PRKN: variants seen among roughly 807,000 people sequenced by gnomAD.
PRKN encodes parkin RBR E3 ubiquitin protein ligase.
A neutral mutation model predicts 59.5 loss-of-function variants in PRKN; 56 were observed. The observed-to-expected ratio is 0.94, with a 90% CI of 0.76 to 1.18. The LOEUF (loss-of-function observed/expected upper bound fraction) is 1.18, where lower values mean the gene tolerates loss of function less well. Among genes scored for constraint, PRKN ranks in the 50% most tolerant of loss-of-function variants. PRKN has a pLI of 0.00. For synonymous variants in PRKN, 250 were observed against 222.1 expected, an observed-to-expected ratio of 1.13 and a Z score of -1.12; for missense variants, 657 against 596.4, an observed-to-expected ratio of 1.10 and a Z score of -1.06.
At chr6:162,173,435 A>G (rs532294647) in intron 4 of PRKN, among the ~76,000 whole-genome samples, 1 of 152,266 alleles carries the variant, frequency 6.6e-6, no homozygotes, top group South Asian at 2.1e-4. Flanking sequence ...CAACTCCATA[A>G]AAACTGACGA....
chr6:162,312,967 T>G (rs1303869913), intron 2 of PRKN, among the ~76,000 whole-genome samples: 1 of 152,208 alleles, frequency 6.6e-6, no homozygotes, highest in African/African-American at 2.4e-5. Context: ...AAGGATTTTC[T>G]TTAATCTAGA....
intron 1 of PRKN, among the ~76,000 whole-genome samples, chr6:162,657,935 GGAA>G (rs1221579432): frequency 2.6e-5 from 4 of 152,040 alleles, no homozygotes; most frequent in African/African-American, 7.2e-5. Flanking sequence ...GAGGATTATA[GGAA>G]GAAGATGACA....
chr6:161,679,083 G>A (rs1785201722), intron 7 of PRKN, among the ~76,000 whole-genome samples: 1 of 152,146 alleles, frequency 6.6e-6, no homozygotes, highest in African/African-American at 2.4e-5. Flanking sequence ...CACAGCTCCA[G>A]ATGAGAGTGT....
chr6:161,916,153 C>G (rs142116119), intron 6 of PRKN, among the ~76,000 whole-genome samples: 252 of 152,226 alleles, frequency 1.7e-3, no homozygotes, highest in African/African-American at 5.8e-3. Flanking sequence ...TTATAAAGGA[C>G]AAGAAATTGT....
intron 7 of PRKN, among the ~76,000 whole-genome samples, chr6:161,654,469 G>A (rs1277571983): frequency 1.3e-5 from 2 of 152,178 alleles, no homozygotes; most frequent in Non-Finnish European, 2.9e-5. Flanking sequence ...CTGCAATGCC[G>A]AGAGGGAGGA....
In PRKN at chr6:162,615,150, T is replaced by G. The variant is rs193166134; in HGVS notation, c.7+112512A>C. ...CAATTTATTTTGTCTCCAAGTTTATTGTGCTTTGTCAGCCCATATCAAAAA... is the reference window on the plus strand; with the variant it reads ...CAATTTATTTTGTCTCCAAGTTTATGGTGCTTTGTCAGCCCATATCAAAAA... On this transcript the variant is annotated intron_variant, in intron 1 of 11. Transcript: ENST00000366898. Among the ~76,000 whole-genome samples, 102 of 152,320 alleles carry G rather than the reference T, an allele frequency of 6.7e-4. No individual in the cohort carries two copies. In the East Asian group the frequency reaches 9.8e-3, roughly 15 times the overall value.
chr6:161,788,946 A>G (rs1031151759), intron 6 of PRKN, among the ~76,000 whole-genome samples: 2 of 152,216 alleles, frequency 1.3e-5, no homozygotes, highest in Non-Finnish European at 2.9e-5. Context: ...ATGTGCTAAG[A>G]TACACAGATG....
intron 4 of PRKN, among the ~76,000 whole-genome samples, chr6:162,190,952 C>T (rs1034206049): frequency 2.0e-5 from 3 of 152,140 alleles, no homozygotes; most frequent in Non-Finnish European, 2.9e-5. Context: ...ATGTCAGTTT[C>T]ACTCTGCAGA....
chr6:161,374,888 T>C (rs1785627169), intron 10 of PRKN, among the ~76,000 whole-genome samples: 1 of 152,148 alleles, frequency 6.6e-6, no homozygotes, highest in African/African-American at 2.4e-5. Context: ...AGAATTTACA[T>C]TCAGACCTTT....
intron 2 of PRKN, among the ~76,000 whole-genome samples, chr6:162,322,558 T>A (rs1423267764): frequency 1.2e-4 from 18 of 151,896 alleles, no homozygotes; most frequent in Admixed American, 1.2e-3. Flanking sequence ...GCTACAGAAA[T>A]CAAGACAATG....
intron 7 of PRKN, among the ~76,000 whole-genome samples, chr6:161,779,797 G>A (rs1198358437): frequency 1.3e-5 from 2 of 151,932 alleles, no homozygotes; most frequent in Non-Finnish European, 2.9e-5. Context: ...TATGTGTCTT[G>A]TTCTATGCTC....
rs41427144 is a variant in PRKN at position 161,660,398 on chromosome 6, G to A, written c.872-90982C>T. 8.1e-3 allele frequency among the ~76,000 whole-genome samples: 1,227 copies of A among 152,190 alleles called. 27 individuals are homozygous for A. Among genetic ancestry groups the A allele is most frequent in the African/African-American group, 0.028 (1,169 of 41,516 alleles). ...GGCCAGGGATGAATACGGTAGTTAC[G>A]AAACTTGAAAGGACAGGCACAATTC... On this transcript the variant is annotated intron_variant, in intron 7 of 11. Transcript: ENST00000366898.
At chr6:162,578,795 C>A (rs1246231343) in intron 1 of PRKN, among the ~76,000 whole-genome samples, 1 of 152,092 alleles carries the variant, frequency 6.6e-6, no homozygotes, top group East Asian at 1.9e-4. Context: ...CATCAAAATG[C>A]AAAATTTCTA....
rs1781803986 is a variant in PRKN, at chr6:161,593,586, G to A, written c.872-24170C>T. Among the ~76,000 whole-genome samples, 2 of 152,148 alleles carry A rather than the reference G, an allele frequency of 1.3e-5. No individual in the cohort carries two copies. The highest frequency in any genetic ancestry group is 1.3e-4 in the Admixed American group (2 of 15,278). ...TGAGGCCAGCAGGTCTTGCTGGTGG[G>A]CTGCCCTGTGGAGCAGACAAAGGAA... On this transcript the variant is annotated intron_variant, in intron 7 of 11. Coordinates refer to ENST00000366898, the MANE Select transcript of PRKN (RefSeq NM_004562.3). This position sits in a 1 kb window ranked among gnomAD's most constrained non-coding sequence, Gnocchi z 4.8.
intron 2 of PRKN, among the ~76,000 whole-genome samples, chr6:162,402,737 C>G (rs567877662): frequency 6.6e-6 from 1 of 151,766 alleles, no homozygotes; most frequent in South Asian, 2.1e-4. Context: ...CTCACCGAAG[C>G]CTGAAGCCTC....
chr6:162,235,987 A>AAGAAAG lies in PRKN; in HGVS notation c.412+26532_412+26537dup, dbSNP rs1562602579. On this transcript the variant is annotated intron_variant, in intron 3 of 11. Transcript: ENST00000366898. ...AAAGAAAGAAAGAAAGAAAGAAAGAAAGAAAGAAAGAAAGAAAGAAAGAAA... is the reference window on the plus strand; with the variant it reads ...AAAGAAAGAAAGAAAGAAAGAAAGAAAGAAAGAGAAAGAAAGAAAGAAAGAAAGAAA... Among the ~76,000 whole-genome samples, 583 of 131,220 alleles carry AAGAAAG rather than the reference A, an allele frequency of 4.4e-3. 18 individuals carry two copies. The highest frequency in any genetic ancestry group is 0.017 in the African/African-American group (568 of 33,450). 86.1% of individuals were successfully genotyped at this position (131,220 alleles called of 152,430 possible).
chr6:161,799,002 G>T (rs1028480635), intron 6 of PRKN, among the ~76,000 whole-genome samples: 4 of 152,200 alleles, frequency 2.6e-5, no homozygotes, highest in African/African-American at 9.6e-5. Flanking sequence ...CAGACTAGAG[G>T]CCAGAAAACT....
chr6:162,122,966 C>A (rs1437298333), intron 4 of PRKN, among the ~76,000 whole-genome samples: 2 of 150,700 alleles, frequency 1.3e-5, no homozygotes, highest in Non-Finnish European at 2.9e-5. Context: ...TGTCTTCGTA[C>A]CCAAGAGGGC....
chr6:161,436,273 AGTGGAATG>A (rs1562448074), intron 9 of PRKN, among the ~76,000 whole-genome samples: 3 of 18,018 alleles, frequency 1.7e-4, no homozygotes, highest in Admixed American at 7.3e-4. Flanking sequence ...AGAGCAGGGG[AGTGGAATG>A]GGAGGGACAG....
Sources: gnomAD v4.1 joint callset for allele counts (sites outside exome capture counted in the v4.1 genomes callset) on GRCh38, gnomAD v4.1.1 for gene constraint, Gnocchi (gnomAD v3.1) non-coding constraint, MANE v1.5 for transcripts, NCBI Gene and HGNC (gene_info 2026-07-23, HGNC 2026-07-21) for gene names.